The following STK32B variants were observed in gnomAD, a reference collection of about 807,000 sequenced individuals.
The protein encoded by STK32B is serine/threonine kinase 32B.
A neutral mutation model predicts 52.6 loss-of-function variants in STK32B; 43 were observed. The observed-to-expected ratio is 0.82, with a 90% CI of 0.64 to 1.05. The LOEUF (loss-of-function observed/expected upper bound fraction) is 1.05, where lower values mean the gene tolerates loss of function less well. STK32B is among the 50% of genes least tolerant of loss of function. The pLI, the probability that STK32B is intolerant of heterozygous loss-of-function variation, is 0.00. For synonymous variants in STK32B, 238 were observed against 204.3 expected (o/e 1.17, Z -1.41); for missense variants, 621 against 534.6 (o/e 1.16, Z -1.59).
At chr4:5,098,585 C>G (rs1274244777) in intron 1 of STK32B, among the ~76,000 whole-genome samples, 1 of 152,188 alleles carries the variant, frequency 6.6e-6, no homozygotes, top group Admixed American at 6.5e-5. Flanking sequence ...ACTGCTAGCT[C>G]CACTTTATAG....
intron 3 of STK32B, among the ~76,000 whole-genome samples, chr4:5,219,021 C>T (rs572775965): frequency 6.6e-6 from 1 of 152,350 alleles, no homozygotes; most frequent in Non-Finnish European, 1.5e-5. Context: ...ATTGTGGGGC[C>T]TGGAGAGCCC....
chr4:5,422,767 C>T (rs532334882), intron 6 of STK32B, among the ~76,000 whole-genome samples: 27 of 152,130 alleles, frequency 1.8e-4, no homozygotes, highest in African/African-American at 5.8e-4. Context: ...TCAAGGAGGA[C>T]GATGGTGTGG....
chr4:5,178,914 C>A (rs531067158), intron 3 of STK32B, among the ~76,000 whole-genome samples: 1 of 152,348 alleles, frequency 6.6e-6, no homozygotes, highest in East Asian at 1.9e-4. Context: ...CAATCTGTTG[C>A]AACCTCTGCC....
At chr4:5,144,513 G>A (rs549424223) in intron 2 of STK32B, among the ~76,000 whole-genome samples, 1 of 152,262 alleles carries the variant, frequency 6.6e-6, no homozygotes, top group East Asian at 1.9e-4. Flanking sequence ...ATATGGTACT[G>A]GGACAGGCAG....
At chr4:5,052,814 G>A (rs73794743) in intron 1 of STK32B, among the ~76,000 whole-genome samples, 45 of 152,220 alleles carry the variant, frequency 3.0e-4, no homozygotes, top group Non-Finnish European at 5.6e-4. Context: ...GTGCTGACTC[G>A]CCAGTCTCCA....
intron 6 of STK32B, among the ~76,000 whole-genome samples, chr4:5,446,263 G>C (rs1485812464): frequency 6.6e-6 from 1 of 152,198 alleles, no homozygotes; most frequent in African/African-American, 2.4e-5. Context: ...AGGTTTTACT[G>C]TCCAAGAAAG....
chr4:5,379,472 A>C (rs893455204), intron 4 of STK32B, among the ~76,000 whole-genome samples: 7 of 152,114 alleles, frequency 4.6e-5, no homozygotes, highest in African/African-American at 4.8e-5. Context: ...CCATCTCTCC[A>C]CATAAAAGTC....
At chr4:5,087,257 G>T (rs1560144297) in intron 1 of STK32B, among the ~76,000 whole-genome samples, 2 of 151,808 alleles carry the variant, frequency 1.3e-5, no homozygotes, top group African/African-American at 4.8e-5. Flanking sequence ...AAATTGAGAT[G>T]CTAATTATAA....
At chr4:5,266,993 G>T (rs753000597) in intron 3 of STK32B, among the ~76,000 whole-genome samples, 1 of 151,842 alleles carries the variant, frequency 6.6e-6, no homozygotes, top group East Asian at 1.9e-4. Context: ...CAACCAGAGG[G>T]CTCCCCATCT....
chr4:5,459,286 C>G (rs924085642), intron 8 of STK32B, among the ~76,000 whole-genome samples: 1 of 58,032 alleles, frequency 1.7e-5, no homozygotes, highest in African/African-American at 6.6e-5. Context: ...TGGTGTGCCC[C>G]CCCCCCCCAC....
chr4:5,110,584 C>G (rs1714351058), intron 1 of STK32B, among the ~76,000 whole-genome samples: 1 of 152,110 alleles, frequency 6.6e-6, no homozygotes, highest in Admixed American at 6.5e-5. Flanking sequence ...GGACCCCTAT[C>G]TCTTACCATA....
chr4:5,087,681 A>C (rs1438218872), intron 1 of STK32B, among the ~76,000 whole-genome samples: 1 of 152,014 alleles, frequency 6.6e-6, no homozygotes, highest in African/African-American at 2.4e-5. Flanking sequence ...CTTTAAGAAA[A>C]AATAATTACT....
At chr4:5,165,774 T>G (rs1718822639) in intron 2 of STK32B, among the ~76,000 whole-genome samples, 1 of 152,208 alleles carries the variant, frequency 6.6e-6, no homozygotes, top group African/African-American at 2.4e-5. Context: ...TTTTATATTC[T>G]CACGTTCACT....
At position 5,270,526 on chromosome 4, in the gene STK32B, G is replaced by A. The variant is rs192680072; in HGVS notation, c.261-60694G>A. On this transcript the variant is annotated intron_variant, in intron 3 of 11. Transcript: ENST00000282908. ...CAGACACACCCAGGAACAGTATTTT[G>A]CATTCTTCAATCCAATCAAGTTGAC... Among the ~76,000 whole-genome samples, 7 of 152,114 alleles carry A rather than the reference G, an allele frequency of 4.6e-5. No individual in the cohort carries two copies. The East Asian group carries it at 1.4e-3, about 29-fold the overall frequency.
intron 3 of STK32B, among the ~76,000 whole-genome samples, chr4:5,268,046 T>C (rs1200786826): frequency 2.0e-5 from 3 of 152,202 alleles, no homozygotes; most frequent in Non-Finnish European, 4.4e-5. Context: ...CAGGAGCCAT[T>C]CTGTTCTGCT....
intron 3 of STK32B, 90 bp downstream of exon 3, chr4:5,168,540 G>GT: frequency 4.2e-6 from 6 of 1,417,778 alleles, no homozygotes; most frequent in Middle Eastern, 5.1e-4. Flanking sequence ...CTTCCGCATT[G>GT]TAAAGGGAAA....
In STK32B at chr4:5,066,353, G is replaced by A. The variant is rs78415042; in HGVS notation, c.52+14438G>A. 1.8e-3 allele frequency among the ~76,000 whole-genome samples: 272 copies of A among 152,226 alleles called. 2 individuals carry two copies. Among genetic ancestry groups the A allele is most frequent in the African/African-American group, 6.2e-3 (257 of 41,542 alleles). Reference sequence around the variant, plus strand: ...CCTCAGTTCAAACATCACGTTTCATGTGGACTCTCCTGGGCTTCCTGACTG... The same window carrying A: ...CCTCAGTTCAAACATCACGTTTCATATGGACTCTCCTGGGCTTCCTGACTG... On this transcript the variant is annotated intron_variant, in intron 1 of 11. Transcript: ENST00000282908.
rs888341393 is a variant in STK32B at position 5,058,204 on chromosome 4, T to G, written c.52+6289T>G. Among the ~76,000 whole-genome samples, 1 of 152,230 alleles carries G rather than the reference T, an allele frequency of 6.6e-6. No homozygotes were observed. The highest frequency in any genetic ancestry group is 2.4e-5 in the African/African-American group (1 of 41,472). Reference sequence around the variant, plus strand: ...ATTCTTTCAGTGCGGGACATTATCCTGTTTCAACGTGGGAACATTATCACT... The same window carrying G: ...ATTCTTTCAGTGCGGGACATTATCCGGTTTCAACGTGGGAACATTATCACT... On this transcript the variant is annotated intron_variant, in intron 1 of 11. Coordinates refer to ENST00000282908, the MANE Select transcript of STK32B (RefSeq NM_018401.3). The surrounding 1 kb of genome is among the most constrained non-coding windows in gnomAD (Gnocchi z 4.8).
At chr4:5,478,582 C>G (rs923304248) in intron 11 of STK32B, among the ~76,000 whole-genome samples, 1 of 152,170 alleles carries the variant, frequency 6.6e-6, no homozygotes, top group African/African-American at 2.4e-5. Context: ...TGAGTTTTTA[C>G]TTAGAAAAGA....
Sources: allele counts gnomAD v4.1 joint callset (sites outside exome capture counted in the v4.1 genomes callset), GRCh38; gene constraint gnomAD v4.1.1; non-coding constraint Gnocchi (gnomAD v3.1); transcripts MANE v1.5; gene names NCBI Gene and HGNC (gene_info 2026-07-23, HGNC 2026-07-21).